Variants in STOM observed in about 807,000 individuals in gnomAD.
The protein encoded by STOM is stomatin.
STOM carries 25 observed loss-of-function variants against 30.6 expected under a neutral mutation model. The observed-to-expected ratio is 0.82, with a 90% CI of 0.60 to 1.14. The LOEUF is 1.14. STOM is among the 50% of genes most tolerant of loss of function. STOM has a pLI of 0.00. For missense variants in STOM, 292 were observed against 365.2 expected (o/e 0.80, Z 1.63); for synonymous variants, 118 against 130.8 (o/e 0.90, Z 0.67).
intron 6 of STOM, among the ~76,000 whole-genome samples, chr9:121,342,141 G>A (rs561097109): frequency 2.3e-4 from 35 of 152,208 alleles, no homozygotes; most frequent in African/African-American, 7.7e-4. Context: ...AGGCCAAGGC[G>A]GGCAGATCAC....
chr9:121,358,698 G>GTA (rs1017623594), intron 1 of STOM, among the ~76,000 whole-genome samples: 3 of 152,154 alleles, frequency 2.0e-5, no homozygotes, highest in Non-Finnish European at 4.4e-5. Context: ...AAGTAGTGAG[G>GTA]TATCACTGGT....
In STOM at chr9:121,340,924, T is replaced by C; in HGVS notation, c.*278A>G. ...GGGTGCTTAGGGGGTTCAGAATGAG[T>C]CAGTGGAAGTCAAAACAAGAGGGAT... On this transcript the variant is annotated 3_prime_UTR_variant, in exon 7 of 7. Transcript: ENST00000286713. 7 of 1,242,622 alleles carry C rather than the reference T, an allele frequency of 5.6e-6. No homozygotes were observed. Among genetic ancestry groups the C allele is most frequent in the Non-Finnish European group, 7.1e-6 (7 of 980,746 alleles). The allele number at this position is 1,242,622 out of a possible 1,614,324, so 77.0% of individuals were successfully genotyped here. A position where few individuals can be genotyped will look rare whatever the true frequency, so the allele number is the denominator to read the frequency against.
chr9:121,342,366 C>CA (rs200857952), intron 6 of STOM, among the ~76,000 whole-genome samples: 450 of 99,132 alleles, frequency 4.5e-3, no homozygotes, highest in Middle Eastern at 0.013. Context: ...GAATCTGTCT[C>CA]AAAAAAAAAA....
chr9:121,355,495 T>C (rs1293544458), intron 2 of STOM, among the ~76,000 whole-genome samples: 1 of 152,052 alleles, frequency 6.6e-6, no homozygotes, highest in Non-Finnish European at 1.5e-5. Context: ...GATCTGAAAA[T>C]GCTTGGAGCA....
intron 5 of STOM, among the ~76,000 whole-genome samples, chr9:121,348,394 T>A (rs191414103): frequency 5.9e-5 from 9 of 152,328 alleles, no homozygotes; most frequent in African/African-American, 2.2e-4. Flanking sequence ...TTATTTGTAG[T>A]CTCTGTCTCA....
rs201750699 is a variant in STOM, at chr9:121,367,301, C to CT, written c.61+2825dup. Among the ~76,000 whole-genome samples, 6 of 152,188 alleles carry CT rather than the reference C, an allele frequency of 3.9e-5. No homozygotes were observed. The East Asian group carries it at 5.8e-4, about 15-fold the overall frequency. Reference sequence around the variant, plus strand: ...TCCATCTGTATCACTTTATCAACATCTTTTTTTTCCCTCAAAGATGACTAG... The same window carrying CT: ...TCCATCTGTATCACTTTATCAACATCTTTTTTTTTCCCTCAAAGATGACTAG... On this transcript the variant is annotated intron_variant, in intron 1 of 6. Coordinates refer to ENST00000286713, the MANE Select transcript of STOM (RefSeq NM_004099.6).
chr9:121,369,311 A>C (rs2064537968), intron 1 of STOM, among the ~76,000 whole-genome samples: 1 of 152,080 alleles, frequency 6.6e-6, no homozygotes, highest in African/African-American at 2.4e-5. Context: ...CTTTAGAAAC[A>C]CTGTAATTCC....
intron 3 of STOM, 79 bp downstream of exon 3, chr9:121,354,522 A>G (rs1040834423): frequency 5.6e-6 from 7 of 1,241,230 alleles, no homozygotes; most frequent in Non-Finnish European, 8.0e-6. Context: ...CCTGTCTTTA[A>G]AAAAACAACT....
intron 6 of STOM, among the ~76,000 whole-genome samples, chr9:121,346,148 C>G (rs1414308151): frequency 6.6e-6 from 1 of 152,148 alleles, no homozygotes; most frequent in Non-Finnish European, 1.5e-5. Flanking sequence ...TACCACCACA[C>G]CAGGCTACTC....
Position 121,341,008 on chromosome 9 carries a change from A to T in STOM, c.*194T>A. Reference sequence around the variant, plus strand: ...CTTTTAACTATTTTAAGACTAACAGATTACCTTATATAAATCACCAATCTC... The same window carrying T: ...CTTTTAACTATTTTAAGACTAACAGTTTACCTTATATAAATCACCAATCTC... On this transcript the variant is annotated 3_prime_UTR_variant, in exon 7 of 7. Transcript: ENST00000286713. 7.0e-7 allele frequency: 1 copy of T among 1,426,646 alleles called. No individual in the cohort carries two copies. Among genetic ancestry groups the T allele is most frequent in the South Asian group, 1.5e-5 (1 of 65,302 alleles). 88.4% of individuals were successfully genotyped at this position (1,426,646 alleles called of 1,614,324 possible). A position where few individuals can be genotyped will look rare whatever the true frequency, so the allele number is the denominator to read the frequency against.
chr9:121,368,919 C>T (rs1402188181), intron 1 of STOM, among the ~76,000 whole-genome samples: 4 of 144,206 alleles, frequency 2.8e-5, no homozygotes, highest in Non-Finnish European at 4.5e-5. Flanking sequence ...GCAAGAAAAG[C>T]GAAACTCCGT....
chr9:121,357,907 A>G (rs1474305607), intron 1 of STOM, among the ~76,000 whole-genome samples: 1 of 144,706 alleles, frequency 6.9e-6, no homozygotes, highest in Non-Finnish European at 1.5e-5. Flanking sequence ...TATGATTAGT[A>G]CAAAAAAAGG....
chr9:121,348,030 G>A lies in STOM; in HGVS notation c.645C>T (p.Arg215=), dbSNP rs1225105620. ...AAAAAGTTACCTTGGCGCGGGCCTCGCGGGACGCTTCTGCTTCTGCAGCCA... is the reference window on the plus strand; with the variant it reads ...AAAAAGTTACCTTGGCGCGGGCCTCACGGGACGCTTCTGCTTCTGCAGCCA... The part of the protein sequence containing the change: ...RAMAAEAEAS[R]EARAKVIAAE... Residue 215 remains arginine, a synonymous_variant, in exon 6 of 7, where the codon CGC becomes CGT. Transcript: ENST00000286713. The A allele has an allele frequency of 6.8e-6, 11 of 1,613,966 alleles. No homozygotes were observed. The highest frequency in any genetic ancestry group is 3.3e-5 in the South Asian group (3 of 91,054).
intron 1 of STOM, among the ~76,000 whole-genome samples, chr9:121,360,965 T>C (rs1466263164): frequency 6.6e-6 from 1 of 152,226 alleles, no homozygotes; most frequent in Non-Finnish European, 1.5e-5. Flanking sequence ...TTCATATTTT[T>C]CTAATGACTT....
At chr9:121,370,067 A>T in intron 1 of STOM, 60 bp downstream of exon 1, 1 of 1,465,176 alleles carries the variant, frequency 6.8e-7, no homozygotes, top group Non-Finnish European at 9.2e-7. Flanking sequence ...CAGACCTCGG[A>T]GCGCACGCTG....
rs1473897092 is a variant in STOM, at chr9:121,349,343, A to C, written c.322-20T>G. 6.2e-7 allele frequency: 1 copy of C among 1,611,576 alleles called. No homozygotes were observed. Among genetic ancestry groups the C allele is most frequent in the Admixed American group, 1.7e-5 (1 of 59,984 alleles). ...GAGGATCTACAAGATGAAGGAAGCAATTTTACATCTGTCAACGACTTTTTT... is the reference window on the plus strand; with the variant it reads ...GAGGATCTACAAGATGAAGGAAGCACTTTTACATCTGTCAACGACTTTTTT... On this transcript the variant is annotated intron_variant, in intron 4 of 6. Transcript: ENST00000286713.
chr9:121,343,392 C>T (rs2064263007), intron 6 of STOM, among the ~76,000 whole-genome samples: 1 of 152,118 alleles, frequency 6.6e-6, no homozygotes, highest in Non-Finnish European at 1.5e-5. Context: ...GTAGGAAAAG[C>T]TAAGGATAGA....
At chr9:121,365,492 C>T (rs306797) in intron 1 of STOM, among the ~76,000 whole-genome samples, 60,877 of 145,866 alleles carry the variant, frequency 0.42, 12,659 homozygotes, top group African/African-American at 0.49. Flanking sequence ...TTTTTTTTTT[C>T]CCAGCTCTTT....
intron 6 of STOM, among the ~76,000 whole-genome samples, chr9:121,344,699 C>A (rs1293946127): frequency 6.6e-6 from 1 of 152,146 alleles, no homozygotes; most frequent in African/African-American, 2.4e-5. Context: ...TGCTACCTGT[C>A]CCTTCTGCAG....
Sources: gnomAD v4.1 joint callset for allele counts (sites outside exome capture counted in the v4.1 genomes callset) on GRCh38, gnomAD v4.1.1 for gene constraint, MANE v1.5 for transcripts, NCBI Gene and HGNC (gene_info 2026-07-23, HGNC 2026-07-21) for gene names.